The following SLC12A6 variants were observed in gnomAD, a reference collection of about 807,000 sequenced individuals.
SLC12A6 encodes solute carrier family 12 member 6, also known as K-Cl cotransporter 3.
In SLC12A6, 66 loss-of-function variants were observed where a neutral mutation model predicts 135.3. The ratio of observed to expected loss-of-function variants is 0.49; its 90% confidence interval spans 0.40 to 0.60. The LOEUF (loss-of-function observed/expected upper bound fraction) is 0.60. Ranked by LOEUF, SLC12A6 falls within the 20% of genes least tolerant of loss-of-function variation. SLC12A6 has a pLI of 0.00. For synonymous variants in SLC12A6, 513 were observed against 508.8 expected, an observed-to-expected ratio of 1.01 and a Z score of -0.11; for missense variants, 1,058 against 1,452.3, an observed-to-expected ratio of 0.73 and a Z score of 4.41.
chr15:34,328,841 C>T (rs904527486), intron 2 of SLC12A6, among the ~76,000 whole-genome samples: 1 of 152,122 alleles, frequency 6.6e-6, no homozygotes, highest in Admixed American at 6.5e-5. Flanking sequence ...TACAGTTGTG[C>T]CTCTGAATAG....
intron 2 of SLC12A6, among the ~76,000 whole-genome samples, chr15:34,290,778 CCAGGA>C (rs1233839972): frequency 1.3e-5 from 2 of 152,110 alleles, no homozygotes; most frequent in Non-Finnish European, 2.9e-5. Flanking sequence ...ATCAAACAGA[CCAGGA>C]TTGCAAGCCC....
intron 3 of SLC12A6, among the ~76,000 whole-genome samples, chr15:34,265,196 CAA>C (rs913914447): frequency 6.6e-6 from 1 of 151,030 alleles, no homozygotes; most frequent in Admixed American, 6.6e-5. Context: ...GACTCCGTCT[CAA>C]AAAAAAGAGT....
At chr15:34,253,817 T>C (rs983622581) in intron 9 of SLC12A6, among the ~76,000 whole-genome samples, 5 of 152,144 alleles carry the variant, frequency 3.3e-5, no homozygotes, top group African/African-American at 9.7e-5. Context: ...CATTACTACT[T>C]CAAAAAACAT....
At chr15:34,321,543 G>A (rs1202834616) in intron 2 of SLC12A6, among the ~76,000 whole-genome samples, 1 of 152,276 alleles carries the variant, frequency 6.6e-6, no homozygotes, top group East Asian at 1.9e-4. Flanking sequence ...GTTGTTGGGG[G>A]TATAAATTAG....
intron 2 of SLC12A6, among the ~76,000 whole-genome samples, chr15:34,328,467 G>GT (rs1889620772): frequency 6.6e-6 from 1 of 152,220 alleles, no homozygotes; most frequent in Non-Finnish European, 1.5e-5. Flanking sequence ...TGGTGATAGT[G>GT]TTTCCTACTC....
At chr15:34,282,956 A>G (rs1222302558) in intron 2 of SLC12A6, among the ~76,000 whole-genome samples, 3 of 152,220 alleles carry the variant, frequency 2.0e-5, no homozygotes, top group Admixed American at 6.5e-5. Context: ...CTGAGCGACT[A>G]ATAAGTCCCA....
rs1173322700 is a variant in SLC12A6, at chr15:34,231,399, A to G, written c.*2482T>C. 1 of 151,420 alleles carries G rather than the reference A, an allele frequency of 6.6e-6. No individual in the cohort carries two copies. Among genetic ancestry groups the G allele is most frequent in the East Asian group, 1.9e-4 (1 of 5,176 alleles). The allele number at this position is 151,420 out of a possible 1,614,324, so 9.4% of individuals were successfully genotyped here. On this transcript the variant is annotated 3_prime_UTR_variant, in exon 26 of 26. Coordinates refer to ENST00000354181, the MANE Select transcript of SLC12A6 (RefSeq NM_001365088.1). ...AAAAAGATACTGGATCCTGCAGGACATGACTCACTACTGTTAAACTCAACT... is the reference window on the plus strand; with the variant it reads ...AAAAAGATACTGGATCCTGCAGGACGTGACTCACTACTGTTAAACTCAACT...
rs1894230939 is a variant in SLC12A6 at position 34,275,367 on chromosome 15, T to C, written c.294A>G (p.Thr98=). The C allele has an allele frequency of 5.2e-6, 8 of 1,546,804 alleles. No individual in the cohort carries two copies. The highest frequency in any genetic ancestry group is 2.7e-5 in the African/African-American group (2 of 73,456). The part of the protein sequence containing the change: ...VIEDLSQNSI[T]GEHSQLLDDG... Reference sequence around the variant, plus strand: ...TACCTAACAGTTGGCTGTGTTCCCCTGTGATGGAGTTCTGACTCAGGTCTG... The same window carrying C: ...TACCTAACAGTTGGCTGTGTTCCCCCGTGATGGAGTTCTGACTCAGGTCTG... Residue 98 remains threonine (T), a synonymous_variant, in exon 3 of 26, where the codon ACA becomes ACG. Coordinates refer to ENST00000354181, the MANE Select transcript of SLC12A6 (RefSeq NM_001365088.1).
chr15:34,255,268 G>C lies in SLC12A6; in HGVS notation c.870C>G (p.Ile290Met). Residue 290 changes from isoleucine to methionine, a missense_variant, in exon 8 of 26, where the codon ATC becomes ATG. Physicochemically the swap from Ile to Met is conservative, Grantham distance 10 (BLOSUM62 1). Around this residue, in one of 6 missense-constraint regions of SLC12A6, gnomAD observed 139 missense variants for 202.2 expected, o/e 0.69. Transcript: ENST00000354181. ...AAMYILGAIEIFLVYIVPRAA... is the reference protein window; with the variant it reads ...AAMYILGAIEMFLVYIVPRAA... ...CAATGAAGTCATTACTTACCAGAAA[G>C]ATTTCAATGGCACCAAGGATGTACA... 1 of 1,607,142 alleles carries C rather than the reference G, an allele frequency of 6.2e-7. No homozygotes were observed. Among genetic ancestry groups the C allele is most frequent in the Non-Finnish European group, 8.5e-7 (1 of 1,173,596 alleles).
intron 25 of SLC12A6, 131 bp from the exon 26 acceptor site, chr15:34,234,103 T>G: frequency 1.4e-6 from 1 of 691,594 alleles, no homozygotes. Context: ...CAGAAAAGTC[T>G]GAACTTTGGA....
intron 2 of SLC12A6, among the ~76,000 whole-genome samples, chr15:34,319,058 A>G (rs1888862302): frequency 2.0e-5 from 3 of 151,772 alleles, no homozygotes; most frequent in African/African-American, 7.3e-5. Flanking sequence ...TGAAGTTGTC[A>G]TTCTTATCTG....
chr15:34,291,380 GGT>G (rs1377147106), intron 2 of SLC12A6, among the ~76,000 whole-genome samples: 1 of 152,118 alleles, frequency 6.6e-6, no homozygotes, highest in African/African-American at 2.4e-5. Flanking sequence ...TCCTTTTGTG[GGT>G]AACCTGACCT....
chr15:34,238,761 T>C, intron 20 of SLC12A6: 1 of 656,014 alleles, frequency 1.5e-6, no homozygotes. Flanking sequence ...GCACAAGACT[T>C]GACAGAAATA....
At chr15:34,281,179 T>G (rs1335245696) in intron 2 of SLC12A6, among the ~76,000 whole-genome samples, 1 of 152,102 alleles carries the variant, frequency 6.6e-6, no homozygotes, top group Non-Finnish European at 1.5e-5. Context: ...TAGACTCAAA[T>G]AGCTAGGAGG....
intron 2 of SLC12A6, chr15:34,318,463 T>C: frequency 1.1e-6 from 1 of 950,724 alleles, no homozygotes; most frequent in Non-Finnish European, 1.7e-6. Context: ...ACAACACTTT[T>C]CTCTGTCCTA....
intron 2 of SLC12A6, among the ~76,000 whole-genome samples, chr15:34,322,674 A>G (rs771396731): frequency 5.9e-5 from 9 of 151,718 alleles, no homozygotes; most frequent in Admixed American, 5.9e-4. Context: ...AAGCTCCTGT[A>G]TGCTTGAAAA....
chr15:34,254,455 T>A lies in SLC12A6; in HGVS notation c.1011A>T (p.Val337=). 1 of 1,614,010 alleles carries A rather than the reference T, an allele frequency of 6.2e-7. No individual in the cohort carries two copies. Among genetic ancestry groups the A allele is most frequent in the African/African-American group, 1.3e-5 (1 of 75,048 alleles). ...VLMVLVVFIG[V]RYVNKFASLF... is the part of the protein sequence containing the mutation. Reference sequence around the variant, plus strand: ...GTGAGGCAAACTTGTTCACATAGCGTACGCCGATAAATACCACTAATACCA... The same window carrying A: ...GTGAGGCAAACTTGTTCACATAGCGAACGCCGATAAATACCACTAATACCA... Residue 337 remains valine (V), a synonymous_variant, in exon 9 of 26, where the codon GTA becomes GTT. Transcript: ENST00000354181.
At chr15:34,268,797 G>A (rs898122005) in intron 3 of SLC12A6, among the ~76,000 whole-genome samples, 1 of 151,862 alleles carries the variant, frequency 6.6e-6, no homozygotes, top group African/African-American at 2.4e-5. Context: ...ACTGAGACTG[G>A]CCTCAGTAAT....
chr15:34,250,440 C>G, intron 12 of SLC12A6, 85 bp from the exon 13 acceptor site: 1 of 936,970 alleles, frequency 1.1e-6, no homozygotes. Flanking sequence ...TTTCTTCTGT[C>G]AGTAAAATGA....
Sources: gnomAD v4.1 joint callset for allele counts (sites outside exome capture counted in the v4.1 genomes callset) on GRCh38, gnomAD v4.1.1 for gene constraint, gnomAD v4.1.1 regional missense constraint, MANE v1.5 for transcripts, NCBI Gene and HGNC (gene_info 2026-07-23, HGNC 2026-07-21) for gene names.